Variants in LRBA observed in about 807,000 individuals in gnomAD.
LRBA encodes the protein lipopolysaccharide-responsive and beige-like anchor protein.
A neutral mutation model predicts 330.0 loss-of-function variants in LRBA; 176 were observed. The observed-to-expected ratio is 0.53, with a 90% CI of 0.47 to 0.60. The LOEUF is 0.60. Ranked by LOEUF, LRBA falls within the 20% of genes least tolerant of loss-of-function variation. The probability of loss-of-function intolerance (pLI) is 0.00; values close to 1 mark genes in which losing one functional copy is unlikely to be tolerated. For missense variants in LRBA, 3,259 were observed against 3,444.8 expected (o/e 0.95, Z 1.35); for synonymous variants, 1,230 against 1,193.0 (o/e 1.03, Z -0.64).
intron 2 of LRBA, chr4:150,970,811 T>C (rs565004788): frequency 6.6e-6 from 1 of 151,894 alleles, no homozygotes; most frequent in Non-Finnish European, 1.5e-5. Context: ...ATATGAGTCT[T>C]GTTTCCATCA....
chr4:150,816,870 T>C (rs928608321), intron 31 of LRBA, among the ~76,000 whole-genome samples: 3 of 151,964 alleles, frequency 2.0e-5, no homozygotes, highest in African/African-American at 7.2e-5. Context: ...CATTCATCCA[T>C]GCACTCATCT....
At chr4:150,559,437 G>A (rs1767766045) in intron 40 of LRBA, among the ~76,000 whole-genome samples, 1 of 148,544 alleles carries the variant, frequency 6.7e-6, no homozygotes, top group Non-Finnish European at 1.5e-5. Context: ...GGTGCATGCT[G>A]GTAGTCCCAG....
At chr4:150,266,836 A>C (rs563133346) in intron 56 of LRBA, among the ~76,000 whole-genome samples, 1 of 152,346 alleles carries the variant, frequency 6.6e-6, no homozygotes, top group East Asian at 1.9e-4. Flanking sequence ...TTGAGATCTA[A>C]AGACAAACAT....
At chr4:150,501,886 A>T (rs1760327619) in intron 40 of LRBA, among the ~76,000 whole-genome samples, 1 of 152,234 alleles carries the variant, frequency 6.6e-6, no homozygotes, top group Admixed American at 6.5e-5. Context: ...GAAAAACAGG[A>T]AACAAAATTG....
intron 28 of LRBA, among the ~76,000 whole-genome samples, chr4:150,839,360 C>T (rs1430992968): frequency 1.3e-5 from 2 of 152,148 alleles, no homozygotes; most frequent in Admixed American, 1.3e-4. Context: ...CTACAAATAC[C>T]ATTTGGCCCA....
At chr4:150,811,297 T>C (rs1263097522) in intron 31 of LRBA, among the ~76,000 whole-genome samples, 1 of 152,160 alleles carries the variant, frequency 6.6e-6, no homozygotes, top group Non-Finnish European at 1.5e-5. Context: ...TTTTCTCTAT[T>C]AGGATTATTG....
chr4:150,827,794 G>A (rs1746490444), intron 30 of LRBA, among the ~76,000 whole-genome samples: 1 of 151,830 alleles, frequency 6.6e-6, no homozygotes, highest in Non-Finnish European at 1.5e-5. Context: ...TAGAGACTGG[G>A]TTTCACCATG....
chr4:150,738,777 A>C (rs1731556603), intron 35 of LRBA, among the ~76,000 whole-genome samples: 1 of 152,082 alleles, frequency 6.6e-6, no homozygotes, highest in East Asian at 1.9e-4. Flanking sequence ...GTAACCACTA[A>C]AGTTATTTAA....
chr4:151,001,700 G>A (rs1743357951), intron 2 of LRBA, among the ~76,000 whole-genome samples: 1 of 151,970 alleles, frequency 6.6e-6, no homozygotes, highest in African/African-American at 2.4e-5. Flanking sequence ...ATACTATGCT[G>A]GCTACCCAGA....
At chr4:150,283,439 C>A (rs1747791597) in intron 54 of LRBA, among the ~76,000 whole-genome samples, 1 of 152,162 alleles carries the variant, frequency 6.6e-6, no homozygotes. Context: ...ACAAAAATTG[C>A]TTGTGTGATG....
intron 40 of LRBA, among the ~76,000 whole-genome samples, chr4:150,515,478 T>C (rs925814598): frequency 1.3e-5 from 2 of 152,156 alleles, no homozygotes; most frequent in Admixed American, 6.5e-5. Flanking sequence ...TCATGTAGGC[T>C]TCTCACCTCA....
At chr4:150,908,614 T>C (rs778643594) in intron 10 of LRBA, 46 bp downstream of exon 10, 9 of 1,543,770 alleles carry the variant, frequency 5.8e-6, no homozygotes, top group Non-Finnish European at 8.0e-6. Flanking sequence ...CAATAACACA[T>C]CAAAAATTAC....
chr4:150,741,378 T>G (rs1731949488), intron 35 of LRBA, among the ~76,000 whole-genome samples: 1 of 152,136 alleles, frequency 6.6e-6, no homozygotes, highest in Non-Finnish European at 1.5e-5. Flanking sequence ...AAAGAAGATT[T>G]CCAAATGGTG....
intron 13 of LRBA, among the ~76,000 whole-genome samples, chr4:150,904,792 A>G (rs948380580): frequency 6.6e-6 from 1 of 152,184 alleles, no homozygotes; most frequent in African/African-American, 2.4e-5. Flanking sequence ...AATCAGAGTC[A>G]GCAGCTGTTT....
intron 37 of LRBA, among the ~76,000 whole-genome samples, chr4:150,673,188 T>C (rs1782221355): frequency 6.6e-6 from 1 of 152,222 alleles, no homozygotes; most frequent in African/African-American, 2.4e-5. Flanking sequence ...TATATATCAC[T>C]GTATCAGATA....
chr4:150,776,669 C>T (rs926358472), intron 34 of LRBA, among the ~76,000 whole-genome samples: 10 of 151,766 alleles, frequency 6.6e-5, no homozygotes, highest in African/African-American at 1.2e-4. Context: ...AAAAATTAGC[C>T]GGGCATGGTG....
intron 37 of LRBA, among the ~76,000 whole-genome samples, chr4:150,629,015 A>T (rs564669292): frequency 3.9e-5 from 6 of 152,146 alleles, no homozygotes; most frequent in Non-Finnish European, 5.9e-5. Context: ...CTCCTGCCTC[A>T]TCCCCCAGGC....
intron 47 of LRBA, among the ~76,000 whole-genome samples, chr4:150,353,590 G>C (rs1737447583): frequency 6.6e-6 from 1 of 152,190 alleles, no homozygotes; most frequent in Non-Finnish European, 1.5e-5. Flanking sequence ...AAGTTGGTTA[G>C]ATTTCGATGC....
intron 40 of LRBA, among the ~76,000 whole-genome samples, chr4:150,502,614 T>G (rs1271957516): frequency 6.6e-6 from 1 of 152,192 alleles, no homozygotes; most frequent in Non-Finnish European, 1.5e-5. Context: ...AGTCTACAGC[T>G]CCCAGTGTGA....
Sources: allele counts gnomAD v4.1 joint callset (sites outside exome capture counted in the v4.1 genomes callset), GRCh38; gene constraint gnomAD v4.1.1; transcripts MANE v1.5; gene names NCBI Gene and HGNC (gene_info 2026-07-23, HGNC 2026-07-21).